The following EYS variants were observed in gnomAD, a reference collection of about 807,000 sequenced individuals.
The protein encoded by EYS is EGF-like photoreceptor maintenance factor.
In EYS, 250 loss-of-function variants were observed where a neutral mutation model predicts 282.1. The observed-to-expected ratio is 0.89, with a 90% CI of 0.80 to 0.98. EYS has a LOEUF of 0.98. Among genes scored for constraint, EYS ranks in the 50% least tolerant of loss-of-function variants. The probability of loss-of-function intolerance (pLI) is 0.00; values close to 1 mark genes in which losing one functional copy is unlikely to be tolerated. For synonymous variants in EYS, 1,355 were observed against 1,282.9 expected, an observed-to-expected ratio of 1.06 and a Z score of -1.20; for missense variants, 4,016 against 3,709.0, an observed-to-expected ratio of 1.08 and a Z score of -2.15.
At chr6:65,609,689 C>T (rs1259175039) in intron 2 of EYS, among the ~76,000 whole-genome samples, 3 of 152,060 alleles carry the variant, frequency 2.0e-5, no homozygotes, top group Non-Finnish European at 4.4e-5. Flanking sequence ...TATTTCTTTG[C>T]AGACAAAACC....
chr6:64,853,362 T>A (rs1765946485), intron 19 of EYS, among the ~76,000 whole-genome samples: 1 of 152,102 alleles, frequency 6.6e-6, no homozygotes, highest in South Asian at 2.1e-4. Flanking sequence ...AGGTGGAAAG[T>A]CTATGTGCCA....
Position 65,547,294 on chromosome 6 carries a change from T to C in EYS, c.-332-51301A>G, listed in dbSNP as rs1768426703. On this transcript the variant is annotated intron_variant, in intron 2 of 42. Transcript: ENST00000503581. ...TAGAAAGATTTCAATGGCTGCATGA[T>C]ATGAATCTACTAAAAACTATATAAG... is the stretch of plus-strand genomic sequence containing the variant. 3.3e-5 allele frequency among the ~76,000 whole-genome samples: 5 copies of C among 151,550 alleles called. No individual in the cohort carries two copies. The Admixed American group carries it at 3.3e-4, about 10-fold the overall frequency.
At chr6:65,345,997 C>T (rs1770378839) in intron 9 of EYS, among the ~76,000 whole-genome samples, 1 of 151,766 alleles carries the variant, frequency 6.6e-6, no homozygotes, top group Non-Finnish European at 1.5e-5. Flanking sequence ...AGTCTCTCTC[C>T]CAACTCAGTG....
chr6:64,438,553 T>A (rs1774827005), intron 27 of EYS, among the ~76,000 whole-genome samples: 1 of 151,534 alleles, frequency 6.6e-6, no homozygotes, highest in Non-Finnish European at 1.5e-5. Flanking sequence ...AGACTCTACC[T>A]GCCCTTAAGG....
intron 19 of EYS, among the ~76,000 whole-genome samples, chr6:64,864,385 C>CTTTTTTTTTGTTTTTTTTTTTTTTTTTTT (rs1766349560): frequency 1.7e-5 from 1 of 57,166 alleles, no homozygotes; most frequent in Non-Finnish European, 3.6e-5. Flanking sequence ...GCTATACCTT[C>CTTTTTTTTTGTTTTTTTTTTTTTTTTTTT]TTTTTTTTTT....
At chr6:64,406,859 G>A (rs1212067205) in intron 28 of EYS, among the ~76,000 whole-genome samples, 1 of 152,184 alleles carries the variant, frequency 6.6e-6, no homozygotes, top group Non-Finnish European at 1.5e-5. Flanking sequence ...GTTGGTAGGA[G>A]TATAAATTAG....
intron 30 of EYS, among the ~76,000 whole-genome samples, chr6:64,278,179 A>G (rs1353073077): frequency 6.6e-6 from 1 of 152,152 alleles, no homozygotes; most frequent in Non-Finnish European, 1.5e-5. Flanking sequence ...ACAGAACCTG[A>G]ATGACCACCT....
At chr6:64,648,797 T>C (rs10944659) in intron 22 of EYS, among the ~76,000 whole-genome samples, 16,887 of 152,246 alleles carry the variant, frequency 0.11, 1,111 homozygotes, top group East Asian at 0.16. Flanking sequence ...TAGCTAAAAA[T>C]AATTTTATTG....
rs1030178910 is a variant in EYS at position 64,772,442 on chromosome 6, A to C, written c.3443+40936T>G. Among the ~76,000 whole-genome samples, 4 of 151,804 alleles carry C rather than the reference A, an allele frequency of 2.6e-5. No individual in the cohort carries two copies. The South Asian group carries it at 8.3e-4, about 31-fold the overall frequency. On this transcript the variant is annotated intron_variant, in intron 22 of 42. Transcript: ENST00000503581. ...TTTTAATACAGGCATACAATGCATAATAATCACATCAGGGTGAATGGGATA... is the reference window on the plus strand; with the variant it reads ...TTTTAATACAGGCATACAATGCATACTAATCACATCAGGGTGAATGGGATA...
intron 14 of EYS, among the ~76,000 whole-genome samples, chr6:64,994,522 A>G (rs1021311073): frequency 1.9e-4 from 29 of 152,128 alleles, no homozygotes; most frequent in Non-Finnish European, 3.8e-4. Context: ...GCAAATGCGA[A>G]TGTTTTATAG....
intron 35 of EYS, among the ~76,000 whole-genome samples, chr6:63,949,965 AG>A (rs1241744376): frequency 3.3e-5 from 5 of 152,132 alleles, no homozygotes; most frequent in African/African-American, 1.2e-4. Context: ...CGAGGTCAGG[AG>A]TTCCAGACCA....
At chr6:65,311,470 C>G (rs571059847) in intron 11 of EYS, among the ~76,000 whole-genome samples, 1 of 152,104 alleles carries the variant, frequency 6.6e-6, no homozygotes, top group African/African-American at 2.4e-5. Flanking sequence ...GGATGGGGAA[C>G]GCAGTAGAAT....
At chr6:63,755,145 GT>G (rs1481735233) in intron 41 of EYS, among the ~76,000 whole-genome samples, 2 of 152,086 alleles carry the variant, frequency 1.3e-5, no homozygotes, top group Admixed American at 6.5e-5. Context: ...TAGGTTGCCT[GT>G]TCACTCTGAT....
rs996730456 is a variant in EYS, at chr6:64,176,423, TA to T, written c.6424+54168del. Among the ~76,000 whole-genome samples, 9 of 152,052 alleles carry T rather than the reference TA, an allele frequency of 5.9e-5. No homozygotes were observed. The South Asian group carries it at 6.2e-4, about 11-fold the overall frequency. ...CGAATAGTTTTATGATTCTTTAAGA[TA>T]AAAAAAATTTGATTGTAAACTTTTT... On this transcript the variant is annotated intron_variant, in intron 31 of 42. Transcript: ENST00000503581.
At chr6:65,666,050 T>C (rs1330322408) in intron 1 of EYS, among the ~76,000 whole-genome samples, 4 of 151,894 alleles carry the variant, frequency 2.6e-5, no homozygotes, top group Non-Finnish European at 5.9e-5. Flanking sequence ...ATTGATGGAA[T>C]GTAAGTTAAC....
intron 2 of EYS, among the ~76,000 whole-genome samples, chr6:65,540,635 G>T (rs1768129501): frequency 6.6e-6 from 1 of 152,036 alleles, no homozygotes. Context: ...TTAGAGAAAG[G>T]TGGCCGGGTG....
chr6:64,891,060 G>A (rs1308032870), intron 18 of EYS, among the ~76,000 whole-genome samples: 2 of 151,918 alleles, frequency 1.3e-5, no homozygotes, highest in East Asian at 3.9e-4. Context: ...CTGTTCAACT[G>A]GAATGTTGGG....
chr6:65,266,094 A>C (rs1767745444), intron 12 of EYS, among the ~76,000 whole-genome samples: 1 of 151,954 alleles, frequency 6.6e-6, no homozygotes, highest in Admixed American at 6.6e-5. Flanking sequence ...ATTTTACTAT[A>C]TCCAAGTTGA....
chr6:65,682,769 T>C (rs953650230), intron 1 of EYS, among the ~76,000 whole-genome samples: 2 of 151,782 alleles, frequency 1.3e-5, no homozygotes, highest in African/African-American at 2.4e-5. Flanking sequence ...GAGGTGATGC[T>C]AAATTTATCA....
Sources: allele counts gnomAD v4.1 joint callset (sites outside exome capture counted in the v4.1 genomes callset), GRCh38; gene constraint gnomAD v4.1.1; transcripts MANE v1.5; gene names NCBI Gene and HGNC (gene_info 2026-07-23, HGNC 2026-07-21).